CELF2: variants seen among roughly 807,000 people sequenced by gnomAD.
The protein encoded by CELF2 is CUGBP Elav-like family member 2.
Under a neutral mutation model 62.6 loss-of-function variants are expected in CELF2, and 8 were observed. The observed-to-expected ratio is 0.13, with a 90% confidence interval of 0.07 to 0.23. The LOEUF (loss-of-function observed/expected upper bound fraction) is 0.23, where lower values mean the gene tolerates loss of function less well. Among genes scored for constraint, CELF2 ranks in the 10% least tolerant of loss-of-function variants. The pLI is 1.00. For missense variants in CELF2, 333 were observed against 671.0 expected, an observed-to-expected ratio of 0.50 and a Z score of 5.56; for synonymous variants, 258 against 250.0, an observed-to-expected ratio of 1.03 and a Z score of -0.30.
chr10:11,253,719 G>A (rs1380990654), intron 4 of CELF2, among the ~76,000 whole-genome samples: 1 of 152,198 alleles, frequency 6.6e-6, no homozygotes, highest in Middle Eastern at 3.4e-3. Flanking sequence ...TGTATTTAAA[G>A]TATTAACCCA....
At chr10:10,566,578 C>A in the CELF2 span, among the ~76,000 whole-genome samples, 1 of 136,684 alleles carries the variant, frequency 7.3e-6, no homozygotes, top group African/African-American at 2.7e-5. Flanking sequence ...CTCCCCCGAC[C>A]CCACCACAGT....
At chr10:10,968,597 AT>A (rs2050408710) in intron 2 of CELF2, among the ~76,000 whole-genome samples, 1 of 152,212 alleles carries the variant, frequency 6.6e-6, no homozygotes, top group Non-Finnish European at 1.5e-5. Flanking sequence ...CGTAACTAAT[AT>A]AAAGATTCCA....
intron 9 of CELF2, among the ~76,000 whole-genome samples, chr10:11,303,363 A>T (rs536033133): frequency 3.3e-5 from 5 of 152,260 alleles, no homozygotes; most frequent in African/African-American, 1.2e-4. Flanking sequence ...GACTGGACTA[A>T]TGAGAAAGGC....
At chr10:10,793,797 G>T (rs143735748), upstream of CELF2, among the ~76,000 whole-genome samples, 106 of 152,188 alleles carry the variant, frequency 7.0e-4, no homozygotes, top group African/African-American at 2.4e-3. Flanking sequence ...TTATTTTGAT[G>T]CCTAGTCAAT....
At chr10:10,779,604 C>G in the CELF2 span, among the ~76,000 whole-genome samples, 2 of 152,064 alleles carry the variant, frequency 1.3e-5, no homozygotes, top group African/African-American at 4.8e-5. Context: ...CCATGAACAT[C>G]CAGCGAAGGG....
chr10:10,530,904 C>A, the CELF2 span, among the ~76,000 whole-genome samples: 101,071 of 152,128 alleles, frequency 0.66, 33,843 homozygotes, highest in East Asian at 0.86. Context: ...ATTACATAGG[C>A]GTAAACCAGA....
the CELF2 span, among the ~76,000 whole-genome samples, chr10:10,690,705 C>T: frequency 6.6e-6 from 1 of 152,040 alleles, no homozygotes; most frequent in African/African-American, 2.4e-5. Flanking sequence ...GATGGTGAAA[C>T]CCCATCTCTA....
At chr10:10,804,172 A>C (rs567570575) in intron 1 of CELF2, among the ~76,000 whole-genome samples, 2 of 152,226 alleles carry the variant, frequency 1.3e-5, no homozygotes, top group African/African-American at 4.8e-5. Flanking sequence ...GATGTTGACA[A>C]ATTTCTTCAT....
chr10:10,551,387 G>C, the CELF2 span, among the ~76,000 whole-genome samples: 1 of 152,132 alleles, frequency 6.6e-6, no homozygotes, highest in East Asian at 1.9e-4. Flanking sequence ...AGGAGACTTT[G>C]TGCAGCTGAA....
chr10:11,199,618 A>C (rs11257011), intron 2 of CELF2, among the ~76,000 whole-genome samples: 8,721 of 152,158 alleles, frequency 0.057, 544 homozygotes, highest in African/African-American at 0.15. Context: ...ATTTCTAGTC[A>C]CAGTTAAGAG....
the CELF2 span, among the ~76,000 whole-genome samples, chr10:10,508,709 T>TTC: frequency 1.1e-4 from 2 of 18,870 alleles, no homozygotes; most frequent in Non-Finnish European, 2.4e-4. Context: ...TGTGTGTATA[T>TTC]TTTTTTTTTT....
chr10:11,304,567 G>A (rs1328288319), intron 9 of CELF2, among the ~76,000 whole-genome samples: 2 of 150,966 alleles, frequency 1.3e-5, no homozygotes, highest in Non-Finnish European at 3.0e-5. Flanking sequence ...CACATGGCCG[G>A]GGCTGAGTGT....
At chr10:10,800,343 G>A (rs567393920) in intron 1 of CELF2, among the ~76,000 whole-genome samples, 26 of 152,008 alleles carry the variant, frequency 1.7e-4, no homozygotes, top group African/African-American at 3.1e-4. Flanking sequence ...ATAAAGCACC[G>A]TAATATTAAT....
At chr10:10,481,690 A>C in the CELF2 span, among the ~76,000 whole-genome samples, 2 of 152,248 alleles carry the variant, frequency 1.3e-5, no homozygotes, top group African/African-American at 4.8e-5. Flanking sequence ...TGGGAAGAAG[A>C]GAAAAGGAAA....
chr10:11,213,711 A>G (rs985149054), intron 2 of CELF2, among the ~76,000 whole-genome samples: 1 of 152,238 alleles, frequency 6.6e-6, no homozygotes, highest in Admixed American at 6.5e-5. Flanking sequence ...GGTACACACT[A>G]CAGTCCTGCT....
At position 10,938,591 on chromosome 10, in the gene CELF2, G is replaced by A. The variant is rs1407471694; in HGVS notation, c.89+18592G>A. Among the ~76,000 whole-genome samples the A allele has an allele frequency of 6.6e-6, 1 of 152,180 alleles. No individual in the cohort carries two copies. The highest frequency in any genetic ancestry group is 1.5e-5 in the Non-Finnish European group (1 of 68,032). Reference sequence around the variant, plus strand: ...AGCATTCTGCTATTTGAATTACTTGGGGGAAAACAGGAGTTGTATGACAAT... The same window carrying A: ...AGCATTCTGCTATTTGAATTACTTGAGGGAAAACAGGAGTTGTATGACAAT... On this transcript the variant is annotated intron_variant, in intron 2 of 13. Coordinates refer to the CELF2 transcript ENST00000636488. This position sits in a 1 kb window ranked among gnomAD's most constrained non-coding sequence, Gnocchi z 4.2.
rs575379653 is a variant in CELF2, at chr10:10,926,568, C to T, written c.89+6569C>T. ...ACCCTGGTACACCGTCTGCCATCTT[C>T]ATCATGTTGATAAGGCGCACCTCAT... On this transcript the variant is annotated intron_variant, in intron 2 of 13. Transcript: ENST00000636488. 3.9e-5 allele frequency among the ~76,000 whole-genome samples: 6 copies of T among 152,330 alleles called. No individual in the cohort carries two copies. The South Asian group carries it at 1.2e-3, about 32-fold the overall frequency.
chr10:10,944,250 T>C (rs965067077), intron 2 of CELF2: 4 of 152,688 alleles, frequency 2.6e-5, no homozygotes, highest in African/African-American at 9.6e-5. Context: ...TTTGATACCA[T>C]TGAGCACCTC....
the CELF2 span, among the ~76,000 whole-genome samples, chr10:10,466,570 T>C: frequency 1.3e-5 from 2 of 152,126 alleles, no homozygotes; most frequent in Non-Finnish European, 2.9e-5. Context: ...ACAGCTAGAA[T>C]TGAAAAGGCT....
Sources: gnomAD v4.1 joint callset for allele counts (sites outside exome capture counted in the v4.1 genomes callset) on GRCh38, gnomAD v4.1.1 for gene constraint, Gnocchi (gnomAD v3.1) non-coding constraint, MANE v1.5 for transcripts, NCBI Gene and HGNC (gene_info 2026-07-23, HGNC 2026-07-21) for gene names.